Variants in PDE7B observed in about 807,000 individuals in gnomAD.
The protein encoded by PDE7B is 3',5'-cyclic-AMP phosphodiesterase 7B.
A neutral mutation model predicts 56.2 loss-of-function variants in PDE7B; 29 were observed. The observed-to-expected ratio is 0.52, with a 90% CI of 0.38 to 0.70. PDE7B has a LOEUF of 0.70. PDE7B is among the 30% of genes least tolerant of loss of function. The probability of loss-of-function intolerance (pLI) is 0.00; values close to 1 mark genes in which losing one functional copy is unlikely to be tolerated. For missense variants in PDE7B, 490 were observed against 565.0 expected (o/e 0.87, Z 1.35); for synonymous variants, 197 against 196.9 (o/e 1.00, Z 0.00).
intron 1 of PDE7B, among the ~76,000 whole-genome samples, chr6:135,898,739 A>G (rs1187932136): frequency 6.6e-6 from 1 of 152,202 alleles, no homozygotes; most frequent in African/African-American, 2.4e-5. Context: ...TTGGACATCT[A>G]AGTTGCATGC....
intron 6 of PDE7B, 22 bp from the exon 7 acceptor site, chr6:136,154,053 G>C (rs1367782590): frequency 6.4e-7 from 1 of 1,554,576 alleles, no homozygotes; most frequent in South Asian, 1.1e-5. Context: ...TTAGTTGATT[G>C]AGTTATCTGT....
At chr6:135,979,103 T>G (rs1775246966) in intron 2 of PDE7B, among the ~76,000 whole-genome samples, 1 of 151,996 alleles carries the variant, frequency 6.6e-6, no homozygotes, top group African/African-American at 2.4e-5. Context: ...TTGAATTTTG[T>G]CAAAGGCCTT....
At chr6:136,069,105 T>A (rs1204454411) in intron 2 of PDE7B, among the ~76,000 whole-genome samples, 1 of 152,184 alleles carries the variant, frequency 6.6e-6, no homozygotes, top group African/African-American at 2.4e-5. Context: ...TGTTTCAGGT[T>A]TACGTTAGAA....
At position 136,155,669 on chromosome 6, in the gene PDE7B, C is replaced by A. The variant is rs1399561373; in HGVS notation, c.622C>A (p.Leu208Met). The stretch of plus-strand genomic sequence containing the variant: ...GCCTCTGGACATCATGCTTGGACTG[C>A]TGGCTGCAGCAGCACACGATGTGGA... ...LTPLDIMLGLLAAAAHDVDHP... is the reference protein window; with the variant it reads ...LTPLDIMLGLMAAAAHDVDHP... Residue 208 changes from leucine (L) to methionine (M), a missense_variant, in exon 8 of 13, where the codon CTG becomes ATG. Coordinates refer to ENST00000308191, the MANE Select transcript of PDE7B (RefSeq NM_018945.4). The A allele has an allele frequency of 2.5e-6, 4 of 1,613,602 alleles. No individual in the cohort carries two copies. The highest frequency in any genetic ancestry group is 3.4e-6 in the Non-Finnish European group (4 of 1,179,578).
intron 2 of PDE7B, among the ~76,000 whole-genome samples, chr6:135,954,515 T>C (rs1443767047): frequency 6.6e-6 from 1 of 152,142 alleles, no homozygotes; most frequent in African/African-American, 2.4e-5. Context: ...AAATAGGCAA[T>C]GAGGAACTAT....
At chr6:136,116,202 G>A (rs1217566896) in intron 3 of PDE7B, among the ~76,000 whole-genome samples, 1 of 152,226 alleles carries the variant, frequency 6.6e-6, no homozygotes, top group Non-Finnish European at 1.5e-5. Flanking sequence ...AGTGTTGACT[G>A]ATTAAGGAGT....
chr6:136,154,992 GTTT>G (rs1778581194), intron 7 of PDE7B, among the ~76,000 whole-genome samples: 1 of 152,146 alleles, frequency 6.6e-6, no homozygotes, highest in African/African-American at 2.4e-5. Flanking sequence ...TAATGGCTCT[GTTT>G]TTTAATTTCC....
At chr6:136,065,718 C>T (rs1039869913) in intron 2 of PDE7B, among the ~76,000 whole-genome samples, 80 of 152,252 alleles carry the variant, frequency 5.3e-4, no homozygotes, top group African/African-American at 1.8e-3. Flanking sequence ...GTCTCAGATT[C>T]TATTACATGG....
chr6:135,990,891 G>T (rs1383578243), intron 2 of PDE7B, among the ~76,000 whole-genome samples: 3 of 152,224 alleles, frequency 2.0e-5, no homozygotes, highest in Non-Finnish European at 4.4e-5. Flanking sequence ...GGGCAGAGCA[G>T]CCCTGAAGGC....
intron 1 of PDE7B, among the ~76,000 whole-genome samples, chr6:135,934,881 T>A (rs1435847085): frequency 2.0e-5 from 2 of 100,956 alleles, no homozygotes; most frequent in African/African-American, 9.6e-5. Context: ...ATATAAATAT[T>A]TATTTAAATA....
intron 1 of PDE7B, among the ~76,000 whole-genome samples, chr6:135,937,784 T>A (rs905576879): frequency 6.6e-6 from 1 of 152,170 alleles, no homozygotes; most frequent in Non-Finnish European, 1.5e-5. Context: ...CCTCTGGTCC[T>A]GCAGGCTAAC....
chr6:135,901,919 C>T (rs1339486238), intron 1 of PDE7B, among the ~76,000 whole-genome samples: 1 of 152,118 alleles, frequency 6.6e-6, no homozygotes, highest in Non-Finnish European at 1.5e-5. Flanking sequence ...CATTCTAATC[C>T]AGCCTTGGGC....
intron 2 of PDE7B, among the ~76,000 whole-genome samples, chr6:135,982,721 T>A (rs937631539): frequency 6.6e-6 from 1 of 152,196 alleles, no homozygotes; most frequent in Non-Finnish European, 1.5e-5. Flanking sequence ...TGTAGCAAAG[T>A]TCTAGAAGAT....
intron 3 of PDE7B, among the ~76,000 whole-genome samples, chr6:136,144,569 A>C (rs575172645): frequency 6.6e-6 from 1 of 152,294 alleles, no homozygotes; most frequent in East Asian, 1.9e-4. Context: ...TCATGCATAA[A>C]TCCATATCCA....
intron 2 of PDE7B, among the ~76,000 whole-genome samples, chr6:135,989,072 A>G (rs182531214): frequency 2.6e-5 from 4 of 152,278 alleles, no homozygotes; most frequent in Admixed American, 6.5e-5. Context: ...TCTCCTAACA[A>G]TGATATGTGT....
intron 2 of PDE7B, among the ~76,000 whole-genome samples, chr6:135,973,792 A>G (rs1261315006): frequency 6.6e-6 from 1 of 152,190 alleles, no homozygotes; most frequent in African/African-American, 2.4e-5. Context: ...TCTATTTCAT[A>G]TTGTCCTCTT....
At chr6:136,117,237 T>A (rs1174623384) in intron 3 of PDE7B, 1 of 152,236 alleles carries the variant, frequency 6.6e-6, no homozygotes, top group African/African-American at 2.4e-5. Context: ...AAGTTACCTA[T>A]GAGTCACTGA....
At chr6:136,132,465 G>A (rs1404778815) in intron 3 of PDE7B, among the ~76,000 whole-genome samples, 1 of 152,082 alleles carries the variant, frequency 6.6e-6, no homozygotes, top group African/African-American at 2.4e-5. Flanking sequence ...TCCCTGCTCT[G>A]TTACTTATCC....
intron 2 of PDE7B, among the ~76,000 whole-genome samples, chr6:136,005,098 TG>T (rs1265279526): frequency 3.9e-5 from 6 of 152,134 alleles, no homozygotes; most frequent in South Asian, 2.1e-4. Context: ...AAACAAGCAA[TG>T]GGTAAAGGAT....
Sources: allele counts gnomAD v4.1 joint callset (sites outside exome capture counted in the v4.1 genomes callset), GRCh38; gene constraint gnomAD v4.1.1; transcripts MANE v1.5; gene names NCBI Gene and HGNC (gene_info 2026-07-23, HGNC 2026-07-21).